KDM4B: variants seen among roughly 807,000 people sequenced by gnomAD.
KDM4B encodes the protein lysine-specific demethylase 4B.
A neutral mutation model predicts 125.2 loss-of-function variants in KDM4B; 32 were observed. That is an observed-to-expected ratio of 0.26 (90% CI 0.19 to 0.34). The LOEUF is 0.34. Among genes scored for constraint, KDM4B ranks in the 10% least tolerant of loss-of-function variants. The probability of loss-of-function intolerance (pLI) is 1.00; values close to 1 mark genes in which losing one functional copy is unlikely to be tolerated. For synonymous variants in KDM4B, 721 were observed against 677.9 expected (o/e 1.06, Z -0.99); for missense variants, 1,190 against 1,577.7 (o/e 0.75, Z 4.16).
chr19:5,139,894 C>T (rs1437025844), intron 18 of KDM4B, among the ~76,000 whole-genome samples: 1 of 152,244 alleles, frequency 6.6e-6, no homozygotes, highest in Non-Finnish European at 1.5e-5. Context: ...TGTGAAGCTT[C>T]CTCCTGCTCT....
chr19:5,024,288 C>T (rs1302891604), intron 2 of KDM4B, among the ~76,000 whole-genome samples: 1 of 152,164 alleles, frequency 6.6e-6, no homozygotes, highest in Non-Finnish European at 1.5e-5. Flanking sequence ...CCAGCAGTGC[C>T]AGTGCAGGTG....
intron 6 of KDM4B, chr19:5,070,764 G>C (rs923508767): frequency 1.6e-5 from 7 of 437,892 alleles, no homozygotes; most frequent in Non-Finnish European, 2.9e-5. Context: ...CTTTCTGAGT[G>C]TGTCACAAGC....
At chr19:5,066,053 G>A (rs910617191) in intron 6 of KDM4B, among the ~76,000 whole-genome samples, 5 of 152,168 alleles carry the variant, frequency 3.3e-5, no homozygotes, top group Non-Finnish European at 5.9e-5. Context: ...CTGACCTCCC[G>A]TGTGACCAGT....
intron 1 of KDM4B, among the ~76,000 whole-genome samples, chr19:4,986,567 T>C (rs2034839364): frequency 6.6e-6 from 1 of 152,136 alleles, no homozygotes; most frequent in Non-Finnish European, 1.5e-5. Flanking sequence ...GTCTCCATGT[T>C]TACTGTGCCA....
intron 2 of KDM4B, among the ~76,000 whole-genome samples, chr19:5,021,749 T>G (rs1421572211): frequency 6.7e-6 from 1 of 149,774 alleles, no homozygotes; most frequent in Non-Finnish European, 1.5e-5. Context: ...TTTTCCTGCC[T>G]CAGCCTCCCG....
At chr19:4,979,405 G>A (rs1599343271) in intron 1 of KDM4B, among the ~76,000 whole-genome samples, 3 of 152,270 alleles carry the variant, frequency 2.0e-5, no homozygotes, top group Non-Finnish European at 4.4e-5. Context: ...ACAGATGACT[G>A]TGAGCTTGAG....
At chr19:4,989,799 T>C (rs2145370513) in intron 1 of KDM4B, among the ~76,000 whole-genome samples, 1 of 152,314 alleles carries the variant, frequency 6.6e-6, no homozygotes, top group East Asian at 1.9e-4. Context: ...ATTACAGGCA[T>C]GCGCCACTGT....
intron 1 of KDM4B, among the ~76,000 whole-genome samples, chr19:5,013,287 C>T (rs909614261): frequency 6.6e-6 from 1 of 152,166 alleles, no homozygotes; most frequent in Admixed American, 6.5e-5. Context: ...AGGGGAGACC[C>T]AGGATCCCGT....
chr19:5,031,260 T>C (rs2036446178), intron 2 of KDM4B, among the ~76,000 whole-genome samples: 2 of 152,244 alleles, frequency 1.3e-5, no homozygotes, highest in East Asian at 3.9e-4. Context: ...GCTGGGACAG[T>C]GTGGTGGCCT....
chr19:4,978,743 G>A (rs2034540442), intron 1 of KDM4B, among the ~76,000 whole-genome samples: 1 of 152,222 alleles, frequency 6.6e-6, no homozygotes, highest in Non-Finnish European at 1.5e-5. Flanking sequence ...AGGGGCGCGG[G>A]AGGAGGGATG....
Position 5,119,336 on chromosome 19 carries a change from G to T in KDM4B, c.1116-317G>T, listed in dbSNP as rs565276426. On this transcript the variant is annotated intron_variant, in intron 10 of 22. Transcript: ENST00000159111. The stretch of plus-strand genomic sequence containing the variant: ...TGGCACACGCGGCTCCTGCCGCCCC[G>T]TCCCGCCCGTCATCCCACCTGGTGT... 7.7e-5 allele frequency: 56 copies of T among 725,128 alleles called. No homozygotes were observed. In the South Asian group the frequency reaches 9.8e-4, roughly 13 times the overall value. The allele number at this position is 725,128 out of a possible 1,614,324, so 44.9% of individuals were successfully genotyped here.
At chr19:4,989,638 G>GTCT (rs527457487) in intron 1 of KDM4B, among the ~76,000 whole-genome samples, 38 of 150,716 alleles carry the variant, frequency 2.5e-4, no homozygotes, top group South Asian at 1.7e-3. Flanking sequence ...ACCATGCCCA[G>GTCT]TCTTCTTCTT....
chr19:5,040,095 G>A (rs375855515), intron 4 of KDM4B, 84 bp downstream of exon 4: 17 of 1,386,612 alleles, frequency 1.2e-5, no homozygotes, highest in Non-Finnish European at 1.5e-5. Context: ...GAGAAGGTGC[G>A]GTACACGCAG....
intron 1 of KDM4B, among the ~76,000 whole-genome samples, chr19:4,989,960 C>T (rs1180432802): frequency 1.3e-5 from 2 of 152,116 alleles, no homozygotes; most frequent in Non-Finnish European, 2.9e-5. Context: ...ACTCAGTCTT[C>T]CTTTTCATGT....
chr19:5,034,026 C>T (rs142392684), intron 3 of KDM4B, among the ~76,000 whole-genome samples: 192 of 152,200 alleles, frequency 1.3e-3, no homozygotes, highest in African/African-American at 4.3e-3. Context: ...CCCAGCTACT[C>T]GGGAGGCTGA....
At chr19:5,042,541 G>T (rs1719347356) in intron 5 of KDM4B, among the ~76,000 whole-genome samples, 1 of 152,060 alleles carries the variant, frequency 6.6e-6, no homozygotes, top group Non-Finnish European at 1.5e-5. Flanking sequence ...CTGAGACTGG[G>T]TAGTGAATAA....
chr19:5,047,749 C>T (rs537237099), intron 6 of KDM4B, 80 bp downstream of exon 6: 43 of 1,442,902 alleles, frequency 3.0e-5, no homozygotes, highest in Admixed American at 5.8e-5. Flanking sequence ...CACGGCTGGG[C>T]GCCGTGGCAG....
intron 1 of KDM4B, among the ~76,000 whole-genome samples, chr19:4,977,500 T>C (rs1211840512): frequency 2.0e-5 from 3 of 152,192 alleles, no homozygotes. Context: ...TCAGCATTCA[T>C]AGCTGGACCC....
intron 6 of KDM4B, among the ~76,000 whole-genome samples, chr19:5,067,314 T>G (rs954608242): frequency 1.3e-5 from 2 of 151,640 alleles, no homozygotes; most frequent in East Asian, 2.0e-4. Flanking sequence ...ATTCCAGGAG[T>G]CGCTCTTCCT....
Sources: allele counts gnomAD v4.1 joint callset (sites outside exome capture counted in the v4.1 genomes callset), GRCh38; gene constraint gnomAD v4.1.1; transcripts MANE v1.5; gene names NCBI Gene and HGNC (gene_info 2026-07-23, HGNC 2026-07-21).